MAGI1: variants seen among roughly 807,000 people sequenced by gnomAD.
The protein encoded by MAGI1 is membrane-associated guanylate kinase, WW and PDZ domain-containing protein 1.
A neutral mutation model predicts 139.9 loss-of-function variants in MAGI1; 58 were observed. The ratio of observed to expected loss-of-function variants is 0.41; its 90% CI spans 0.34 to 0.52. The LOEUF is 0.52. MAGI1 is among the 20% of genes least tolerant of loss of function. The pLI is 0.12. For synonymous variants in MAGI1, 812 were observed against 737.9 expected (o/e 1.10, Z -1.63); for missense variants, 1,874 against 1,901.6 (o/e 0.99, Z 0.27).
Position 65,595,367 on chromosome 3 carries a change from TCCTTTCTGTTAATAAAGC to T in MAGI1, c.430+26587_430+26604del, listed in dbSNP as rs1399121023. Among the ~76,000 whole-genome samples the T allele has an allele frequency of 2.0e-5, 3 of 152,178 alleles. 1 individual carries two copies. On this transcript the variant is annotated intron_variant, in intron 2 of 22. Transcript: ENST00000402939. ...TATCAAACGTATAGGTTCAAAGAGC[TCCTTTCTGTTAATAAAGC>T]CCATGTGAAACTGTTTTGCCACAAG...
At chr3:65,762,506 A>G (rs1206796720) in intron 1 of MAGI1, among the ~76,000 whole-genome samples, 1 of 152,150 alleles carries the variant, frequency 6.6e-6, no homozygotes, top group Non-Finnish European at 1.5e-5. Flanking sequence ...GGATGCCATC[A>G]TTATTTTACA....
At chr3:65,759,065 C>CAAAAAAA (rs200497203) in intron 1 of MAGI1, among the ~76,000 whole-genome samples, 15 of 73,082 alleles carry the variant, frequency 2.1e-4, no homozygotes, top group African/African-American at 6.5e-4. Context: ...AGGCCCAGTG[C>CAAAAAAA]AAAAAAAAAA....
At chr3:66,020,435 GAA>G (rs986906682) in intron 1 of MAGI1, among the ~76,000 whole-genome samples, 1 of 152,102 alleles carries the variant, frequency 6.6e-6, no homozygotes, top group Non-Finnish European at 1.5e-5. Flanking sequence ...ATCTCAAAAA[GAA>G]GAGCCATTTT....
intron 1 of MAGI1, among the ~76,000 whole-genome samples, chr3:65,727,332 A>G (rs143355760): frequency 8.3e-4 from 127 of 152,346 alleles, no homozygotes; most frequent in African/African-American, 2.9e-3. Flanking sequence ...TGATAAAAGG[A>G]CTTCAATAAA....
intron 2 of MAGI1, among the ~76,000 whole-genome samples, chr3:65,604,347 T>C (rs1559711963): frequency 1.3e-5 from 2 of 152,136 alleles, no homozygotes; most frequent in South Asian, 2.1e-4. Context: ...TAGTTATATA[T>C]TGATATTAAT....
At chr3:65,652,374 G>A (rs978733463) in intron 1 of MAGI1, among the ~76,000 whole-genome samples, 10 of 152,100 alleles carry the variant, frequency 6.6e-5, no homozygotes, top group Non-Finnish European at 4.4e-5. Context: ...TAGTACTATT[G>A]ACACGTGGGA....
At chr3:65,958,266 A>G (rs1369717694) in intron 1 of MAGI1, among the ~76,000 whole-genome samples, 1 of 152,244 alleles carries the variant, frequency 6.6e-6, no homozygotes, top group African/African-American at 2.4e-5. Context: ...AGTGTAAGAC[A>G]TTCTAAATTT....
At chr3:66,020,670 T>C (rs2067913259) in intron 1 of MAGI1, among the ~76,000 whole-genome samples, 1 of 152,202 alleles carries the variant, frequency 6.6e-6, no homozygotes, top group Admixed American at 6.5e-5. Context: ...CTTTGCTACC[T>C]AAGCCATTTG....
Position 65,491,269 on chromosome 3 carries a change from T to C in MAGI1, c.550+2243A>G, listed in dbSNP as rs905905154. 2.6e-5 allele frequency among the ~76,000 whole-genome samples: 4 copies of C among 152,214 alleles called. No homozygotes were observed. In the East Asian group the frequency reaches 7.7e-4, roughly 29 times the overall value. On this transcript the variant is annotated intron_variant, in intron 3 of 22. Coordinates refer to ENST00000402939, the MANE Select transcript of MAGI1 (RefSeq NM_001033057.2). Reference sequence around the variant, plus strand: ...AATAGTTATTTAATACCACTTGGCTTCAGTGTCCCCATCTAAAAATTCAGT... The same window carrying C: ...AATAGTTATTTAATACCACTTGGCTCCAGTGTCCCCATCTAAAAATTCAGT...
chr3:65,465,045 T>C (rs7652571), intron 5 of MAGI1, among the ~76,000 whole-genome samples: 83,614 of 148,392 alleles, frequency 0.56, 24,689 homozygotes, highest in East Asian at 0.94. Flanking sequence ...CTACTGGCAT[T>C]ATCATTTTAC....
chr3:66,002,846 T>C (rs2066818933), intron 1 of MAGI1, among the ~76,000 whole-genome samples: 1 of 152,192 alleles, frequency 6.6e-6, no homozygotes, highest in Non-Finnish European at 1.5e-5. Flanking sequence ...TCTGATTCAC[T>C]GCACTTCAAA....
chr3:65,527,028 A>G (rs1245558160), intron 2 of MAGI1, among the ~76,000 whole-genome samples: 1 of 152,190 alleles, frequency 6.6e-6, no homozygotes, highest in Non-Finnish European at 1.5e-5. Flanking sequence ...AATGGTTATG[A>G]TATTTTAGGA....
intron 3 of MAGI1, among the ~76,000 whole-genome samples, chr3:65,486,942 T>G (rs1174034450): frequency 6.6e-6 from 1 of 152,202 alleles, no homozygotes; most frequent in Non-Finnish European, 1.5e-5. Flanking sequence ...TTAGGAGGAT[T>G]GTCATCATCT....
chr3:65,359,072 G>A (rs767672531), intron 22 of MAGI1: 1 of 1,613,924 alleles, frequency 6.2e-7, no homozygotes, highest in East Asian at 2.2e-5. Context: ...ACCGTAGTTT[G>A]ATTATGGCCC....
intron 1 of MAGI1, among the ~76,000 whole-genome samples, chr3:65,733,761 A>C (rs1037483355): frequency 5.3e-5 from 8 of 152,222 alleles, no homozygotes; most frequent in African/African-American, 1.4e-4. Flanking sequence ...CACTGCAACC[A>C]TCTAGGATAT....
intron 1 of MAGI1, among the ~76,000 whole-genome samples, chr3:65,712,130 T>C (rs2031526148): frequency 6.6e-6 from 1 of 152,144 alleles, no homozygotes; most frequent in Admixed American, 6.5e-5. Context: ...CATTGAAAGG[T>C]AGGGTCCATG....
At chr3:65,628,336 A>G (rs142766398) in intron 1 of MAGI1, among the ~76,000 whole-genome samples, 267 of 152,218 alleles carry the variant, frequency 1.8e-3, no homozygotes, top group African/African-American at 5.3e-3. Context: ...ACTCATGGCT[A>G]TGGTTTATTC....
At chr3:65,693,708 T>TTGTTGTTTTC (rs1491369388) in intron 1 of MAGI1, among the ~76,000 whole-genome samples, 1 of 149,934 alleles carries the variant, frequency 6.7e-6, no homozygotes, top group Non-Finnish European at 1.5e-5. Context: ...AGTTTTTTTT[T>TTGTTGTTTTC]GTTTTTGTTT....
chr3:65,950,330 G>T (rs891771162), intron 1 of MAGI1, among the ~76,000 whole-genome samples: 1 of 151,970 alleles, frequency 6.6e-6, no homozygotes, highest in Non-Finnish European at 1.5e-5. Flanking sequence ...TTTAGCCAAA[G>T]ATCTGGGTTC....
Sources: gnomAD v4.1 joint callset for allele counts (sites outside exome capture counted in the v4.1 genomes callset) on GRCh38, gnomAD v4.1.1 for gene constraint, MANE v1.5 for transcripts, NCBI Gene and HGNC (gene_info 2026-07-23, HGNC 2026-07-21) for gene names.